The following KCNQ5 variants were observed in gnomAD, a reference collection of about 807,000 sequenced individuals.
KCNQ5 encodes potassium voltage-gated channel subfamily KQT member 5.
Under a neutral mutation model 98.2 loss-of-function variants are expected in KCNQ5, and 30 were observed. The observed-to-expected ratio is 0.31, with a 90% CI of 0.23 to 0.41. The LOEUF (loss-of-function observed/expected upper bound fraction) is 0.41. KCNQ5 is among the 10% of genes least tolerant of loss of function. The pLI is 1.00. For synonymous variants in KCNQ5, 458 were observed against 449.4 expected (o/e 1.02, Z -0.24); for missense variants, 835 against 1,182.5 (o/e 0.71, Z 4.31).
intron 1 of KCNQ5, among the ~76,000 whole-genome samples, chr6:72,981,912 A>G (rs1445689837): frequency 1.3e-5 from 2 of 152,064 alleles, no homozygotes; most frequent in African/African-American, 4.8e-5. Flanking sequence ...TTCGTTATTT[A>G]CCCAGTAGTC....
intron 1 of KCNQ5, among the ~76,000 whole-genome samples, chr6:72,726,746 T>G (rs1205776860): frequency 6.6e-6 from 1 of 152,184 alleles, no homozygotes; most frequent in Non-Finnish European, 1.5e-5. Flanking sequence ...GTTCTGTAGT[T>G]AAAGGAAAGA....
At chr6:72,931,729 G>T (rs1765701219) in intron 1 of KCNQ5, among the ~76,000 whole-genome samples, 1 of 152,090 alleles carries the variant, frequency 6.6e-6, no homozygotes, top group African/African-American at 2.4e-5. Flanking sequence ...TCCTTAAGAG[G>T]CATTTAGACA....
intron 1 of KCNQ5, among the ~76,000 whole-genome samples, chr6:72,895,492 G>T (rs1779214762): frequency 6.6e-6 from 1 of 151,478 alleles, no homozygotes; most frequent in Non-Finnish European, 1.5e-5. Context: ...AAGAAGAAAG[G>T]GTGCAGTTAT....
chr6:73,099,778 C>G (rs960095187), intron 5 of KCNQ5, among the ~76,000 whole-genome samples: 13 of 152,174 alleles, frequency 8.5e-5, no homozygotes, highest in African/African-American at 2.9e-4. Flanking sequence ...ATCATCCAGA[C>G]AGAAAATCAA....
At chr6:72,973,067 C>T (rs1004171460) in intron 1 of KCNQ5, among the ~76,000 whole-genome samples, 3 of 152,114 alleles carry the variant, frequency 2.0e-5, no homozygotes, top group Admixed American at 1.3e-4. Flanking sequence ...GAAAAGGAAA[C>T]GCTTTTGGTA....
At chr6:73,046,593 A>G (rs1771966410) in intron 3 of KCNQ5, among the ~76,000 whole-genome samples, 1 of 147,842 alleles carries the variant, frequency 6.8e-6, no homozygotes, top group Non-Finnish European at 1.5e-5. Flanking sequence ...ATTTTATTTT[A>G]CTTTACTTTA....
intron 2 of KCNQ5, among the ~76,000 whole-genome samples, chr6:73,020,403 A>AT (rs146025434): frequency 0.054 from 8,255 of 152,268 alleles, 316 homozygotes; most frequent in Middle Eastern, 0.13. Flanking sequence ...AGATGAAGAG[A>AT]TGCATAGGGC....
At chr6:72,876,370 G>A (rs1440812301) in intron 1 of KCNQ5, among the ~76,000 whole-genome samples, 2 of 151,984 alleles carry the variant, frequency 1.3e-5, no homozygotes, top group Non-Finnish European at 2.9e-5. Context: ...ACCACAAATT[G>A]GATATATCTG....
intron 2 of KCNQ5, among the ~76,000 whole-genome samples, chr6:73,008,570 A>G (rs1769921346): frequency 6.6e-6 from 1 of 152,222 alleles, no homozygotes; most frequent in Non-Finnish European, 1.5e-5. Flanking sequence ...TGTAATAATT[A>G]TAAACATTTA....
At chr6:72,986,122 C>A (rs553286621) in intron 1 of KCNQ5, among the ~76,000 whole-genome samples, 1 of 152,002 alleles carries the variant, frequency 6.6e-6, no homozygotes, top group East Asian at 1.9e-4. Flanking sequence ...CCTAGCTACT[C>A]GGGAGGCTGA....
intron 7 of KCNQ5, among the ~76,000 whole-genome samples, chr6:73,114,815 T>A (rs1481221506): frequency 6.6e-6 from 1 of 152,164 alleles, no homozygotes; most frequent in Non-Finnish European, 1.5e-5. Context: ...AAATAAATGT[T>A]GGTAGGGATA....
Position 73,034,860 on chromosome 6 carries a change from T to TA in KCNQ5, c.490-7076_490-7075insA, listed in dbSNP as rs1170363105. On this transcript the variant is annotated intron_variant, in intron 2 of 13. Transcript: ENST00000370398. ...TTTTCTTTTTTTTTTTTTTTTTTTT[T>TA]TTTGAGACAGTATCTCGCTCTGTTG... Among the ~76,000 whole-genome samples the TA allele has an allele frequency of 5.9e-3, 757 of 127,418 alleles. 1 individual carries two copies. The highest frequency in any genetic ancestry group is 0.018 in the African/African-American group (684 of 37,288). 83.6% of individuals were successfully genotyped at this position (127,418 alleles called of 152,430 possible).
At chr6:72,988,555 T>C (rs1422102222) in intron 1 of KCNQ5, among the ~76,000 whole-genome samples, 1 of 151,950 alleles carries the variant, frequency 6.6e-6, no homozygotes, top group African/African-American at 2.4e-5. Flanking sequence ...TACTGGGTAC[T>C]GTGATGACTA....
intron 2 of KCNQ5, among the ~76,000 whole-genome samples, chr6:73,016,409 TGAG>T (rs1770348811): frequency 2.6e-5 from 4 of 152,084 alleles, no homozygotes; most frequent in Admixed American, 2.6e-4. Flanking sequence ...GTAAATTTCC[TGAG>T]AAGAGAATCC....
chr6:73,052,801 A>T (rs1243418822), intron 3 of KCNQ5, among the ~76,000 whole-genome samples: 3 of 152,256 alleles, frequency 2.0e-5, no homozygotes, highest in African/African-American at 7.2e-5. Context: ...AAGTACACAC[A>T]CCATTGATGC....
chr6:72,795,879 GTA>G (rs372169609), intron 1 of KCNQ5, among the ~76,000 whole-genome samples: 6 of 149,750 alleles, frequency 4.0e-5, no homozygotes, highest in South Asian at 2.1e-4. Context: ...ACTTCTTTTT[GTA>G]TATATATATA....
intron 2 of KCNQ5, among the ~76,000 whole-genome samples, chr6:73,027,997 T>A (rs976240378): frequency 6.6e-6 from 1 of 152,222 alleles, no homozygotes; most frequent in African/African-American, 2.4e-5. Context: ...TACTGTACTT[T>A]CAGTGACTCT....
chr6:72,977,820 A>G (rs1010474886), intron 1 of KCNQ5, among the ~76,000 whole-genome samples: 4 of 152,082 alleles, frequency 2.6e-5, no homozygotes, highest in Non-Finnish European at 5.9e-5. Flanking sequence ...TTTATGGCCC[A>G]TCTTTCCCGC....
intron 1 of KCNQ5, among the ~76,000 whole-genome samples, chr6:72,998,436 C>A (rs1220056467): frequency 1.3e-5 from 2 of 152,078 alleles, no homozygotes; most frequent in African/African-American, 4.8e-5. Context: ...TGGTTCCATT[C>A]CATTTAAAAC....
Sources: gnomAD v4.1 joint callset for allele counts (sites outside exome capture counted in the v4.1 genomes callset) on GRCh38, gnomAD v4.1.1 for gene constraint, MANE v1.5 for transcripts, NCBI Gene and HGNC (gene_info 2026-07-23, HGNC 2026-07-21) for gene names.